PDE1C: variants seen among roughly 807,000 people sequenced by gnomAD.
PDE1C encodes the protein phosphodiesterase 1C, also known as dual specificity calcium/calmodulin-dependent 3',5'-cyclic nucleotide phosphodiesterase 1C.
Under a neutral mutation model 93.1 loss-of-function variants are expected in PDE1C, and 62 were observed. The observed-to-expected ratio is 0.67, with a 90% CI of 0.54 to 0.82. The LOEUF is 0.82. Among genes scored for constraint, PDE1C ranks in the 40% least tolerant of loss-of-function variants. PDE1C has a pLI of 0.00. For synonymous variants in PDE1C, 325 were observed against 310.1 expected, an observed-to-expected ratio of 1.05 and a Z score of -0.50; for missense variants, 742 against 884.6, an observed-to-expected ratio of 0.84 and a Z score of 2.04.
chr7:32,107,507 A>G (rs1334160256), intron 3 of PDE1C, among the ~76,000 whole-genome samples: 2 of 152,234 alleles, frequency 1.3e-5, no homozygotes, highest in Non-Finnish European at 2.9e-5. Context: ...TTGAATGAAA[A>G]AAAGCAAACA....
the PDE1C span, among the ~76,000 whole-genome samples, chr7:31,654,055 A>AC: frequency 9.9e-3 from 4 of 406 alleles, no homozygotes; most frequent in South Asian, 0.071. Context: ...AGTAAGTCCA[A>AC]AAAAAAAAAA....
At chr7:31,932,566 C>T (rs1804467120) in intron 2 of PDE1C, among the ~76,000 whole-genome samples, 2 of 152,156 alleles carry the variant, frequency 1.3e-5, no homozygotes, top group Non-Finnish European at 1.5e-5. Flanking sequence ...CAGCAAACAA[C>T]AGATGCGGGT....
At chr7:32,028,828 C>T (rs1789844522) in intron 2 of PDE1C, among the ~76,000 whole-genome samples, 1 of 152,036 alleles carries the variant, frequency 6.6e-6, no homozygotes, top group African/African-American at 2.4e-5. Flanking sequence ...TAACCTCTAA[C>T]CATCAATTCC....
intron 13 of PDE1C, among the ~76,000 whole-genome samples, chr7:31,823,507 T>G (rs1185139621): frequency 6.6e-6 from 1 of 151,804 alleles, no homozygotes; most frequent in African/African-American, 2.4e-5. Context: ...GGCCTCTTCT[T>G]TTTTCCCCAT....
intron 9 of PDE1C, among the ~76,000 whole-genome samples, chr7:31,845,757 A>T (rs1792493758): frequency 6.6e-6 from 1 of 152,108 alleles, no homozygotes; most frequent in Non-Finnish European, 1.5e-5. Context: ...TTGGGAGGCC[A>T]AGGCTAGTGG....
the PDE1C span, among the ~76,000 whole-genome samples, chr7:31,694,387 A>AACACACACACACACAC: frequency 0.048 from 6,801 of 141,540 alleles, 249 homozygotes; most frequent in African/African-American, 0.084. Flanking sequence ...CTCTCTCTCA[A>AACACACACACACACAC]ACACACACAC....
chr7:31,880,918 C>A lies in PDE1C; in HGVS notation c.129-58G>T, dbSNP rs1016597290. ...ATAGAGGAAACAAAGAATAATCCTA[C>A]AACTATGGTGATACATTTTACAGTC... On this transcript the variant is annotated intron_variant, in intron 2 of 17. Transcript: ENST00000396191. The A allele has an allele frequency of 1.5e-5, 16 of 1,037,994 alleles. No homozygotes were observed. In the African/African-American group the frequency reaches 2.1e-4, roughly 13 times the overall value. The allele number at this position is 1,037,994 out of a possible 1,614,324, so 64.3% of individuals were successfully genotyped here.
At chr7:32,037,185 G>A (rs368694392) in intron 2 of PDE1C, among the ~76,000 whole-genome samples, 2 of 152,104 alleles carry the variant, frequency 1.3e-5, no homozygotes, top group South Asian at 2.1e-4. Context: ...TTATTTTAAA[G>A]TGATTCCTGG....
At chr7:31,956,239 G>A (rs752461373) in intron 2 of PDE1C, among the ~76,000 whole-genome samples, 23 of 152,110 alleles carry the variant, frequency 1.5e-4, no homozygotes, top group Admixed American at 4.6e-4. Flanking sequence ...GACTACAGGC[G>A]TGCACCACCA....
chr7:31,617,692 A>G, the PDE1C span, among the ~76,000 whole-genome samples: 1 of 152,148 alleles, frequency 6.6e-6, no homozygotes. Context: ...TTTCTGATTT[A>G]TATTAGTGCT....
At chr7:32,049,623 C>T (rs148704966) in intron 2 of PDE1C, among the ~76,000 whole-genome samples, 246 of 152,126 alleles carry the variant, frequency 1.6e-3, no homozygotes, top group Middle Eastern at 3.4e-3. Context: ...TTAGAAAAGG[C>T]GAGACTAAAG....
At chr7:32,344,419 G>A (rs534281577) in intron 1 of PDE1C, among the ~76,000 whole-genome samples, 2 of 152,248 alleles carry the variant, frequency 1.3e-5, no homozygotes, top group South Asian at 2.1e-4. Flanking sequence ...AATGGTTTAC[G>A]GGGTACATTA....
In PDE1C at chr7:31,837,223, T is replaced by C; in HGVS notation, c.1160A>G (p.His387Arg). ...CAGGAGTGACATTGTCCAGCGATGA[T>C]GGAGGTCCCATGCTTTTGCTGGATG... is the stretch of plus-strand genomic sequence containing the variant. ...ISHPAKAWDLHHRWTMSLLEE... is the reference protein window; with the variant it reads ...ISHPAKAWDLRHRWTMSLLEE... Residue 387 changes from histidine (H) to arginine (R), a missense_variant, in exon 11 of 18, where the codon CAT becomes CGT. Physicochemically the swap from His to Arg is conservative, Grantham distance 29. This residue lies in a region of PDE1C where 454 missense variants were observed against 459.4 expected (regional missense o/e 0.99). Transcript: ENST00000396191. 2 of 1,613,868 alleles carry C rather than the reference T, an allele frequency of 1.2e-6. No homozygotes were observed. The highest frequency in any genetic ancestry group is 8.5e-7 in the Non-Finnish European group (1 of 1,179,822).
intron 1 of PDE1C, among the ~76,000 whole-genome samples, chr7:32,225,147 C>T (rs1361745554): frequency 1.3e-5 from 2 of 152,140 alleles, no homozygotes; most frequent in East Asian, 3.9e-4. Flanking sequence ...CACATACTGG[C>T]AACCTGGCTG....
intron 1 of PDE1C, among the ~76,000 whole-genome samples, chr7:32,227,627 G>A (rs1339310150): frequency 6.6e-6 from 1 of 152,110 alleles, no homozygotes. Context: ...CTCTAAGATG[G>A]CTCCCAATAA....
the PDE1C span, among the ~76,000 whole-genome samples, chr7:31,672,333 C>A: frequency 5.9e-5 from 9 of 152,100 alleles, no homozygotes; most frequent in African/African-American, 1.9e-4. Context: ...TGTTCCTATC[C>A]TGCTAATTCC....
At chr7:31,692,550 C>T in the PDE1C span, 2 of 1,562,234 alleles carry the variant, frequency 1.3e-6, no homozygotes, top group South Asian at 2.2e-5. Context: ...TTGTGAATGT[C>T]AGTGGTGGAA....
intron 2 of PDE1C, among the ~76,000 whole-genome samples, chr7:31,962,815 A>G (rs907276322): frequency 6.6e-6 from 1 of 151,270 alleles, no homozygotes; most frequent in African/African-American, 2.4e-5. Flanking sequence ...TTTTCCAGTC[A>G]AGACCTACAC....
the PDE1C span, among the ~76,000 whole-genome samples, chr7:31,696,249 A>G: frequency 2.0e-5 from 3 of 152,114 alleles, no homozygotes; most frequent in African/African-American, 4.8e-5. Flanking sequence ...TCACTAATTT[A>G]CTGTCATCTC....
Sources: allele counts gnomAD v4.1 joint callset (sites outside exome capture counted in the v4.1 genomes callset), GRCh38; gene constraint gnomAD v4.1.1; regional missense constraint gnomAD v4.1.1; transcripts MANE v1.5; gene names NCBI Gene and HGNC (gene_info 2026-07-23, HGNC 2026-07-21).